PARD3: variants seen among roughly 807,000 people sequenced by gnomAD.
PARD3 encodes partitioning defective 3 homolog.
Under a neutral mutation model 155.4 loss-of-function variants are expected in PARD3, and 75 were observed. The ratio of observed to expected loss-of-function variants is 0.48; its 90% CI spans 0.40 to 0.58. The LOEUF (loss-of-function observed/expected upper bound fraction) is 0.58. Ranked by LOEUF, PARD3 falls within the 20% of genes least tolerant of loss-of-function variation. PARD3 has a pLI of 0.00. For missense variants in PARD3, 1,642 were observed against 1,721.7 expected (o/e 0.95, Z 0.82); for synonymous variants, 576 against 610.5 (o/e 0.94, Z 0.83).
rs542927386 is a variant in PARD3, at chr10:34,430,146, T to C, written c.714+20171A>G. On this transcript the variant is annotated intron_variant, in intron 5 of 24. Coordinates refer to ENST00000374788, the MANE Select transcript of PARD3 (RefSeq NM_001184785.2). ...ACCATTTGAGTACAATCTGAGAATATGCCAACTGGCATGTTCTTGAATTAT... is the reference window on the plus strand; with the variant it reads ...ACCATTTGAGTACAATCTGAGAATACGCCAACTGGCATGTTCTTGAATTAT... Among the ~76,000 whole-genome samples, 4 of 152,406 alleles carry C rather than the reference T, an allele frequency of 2.6e-5. No homozygotes were observed. The South Asian group carries it at 8.3e-4, about 32-fold the overall frequency.
At chr10:34,116,118 C>T (rs1469132334) in intron 24 of PARD3, among the ~76,000 whole-genome samples, 1 of 152,218 alleles carries the variant, frequency 6.6e-6, no homozygotes, top group Non-Finnish European at 1.5e-5. Flanking sequence ...CCTTTTCCTG[C>T]CAACTAGTGT....
chr10:34,367,004 C>T (rs190815489), intron 12 of PARD3, among the ~76,000 whole-genome samples: 1 of 152,238 alleles, frequency 6.6e-6, no homozygotes, highest in East Asian at 1.9e-4. Flanking sequence ...TTTTGAAAGA[C>T]TTTTAAATTT....
chr10:34,812,012 C>CA (rs1454193878), intron 1 of PARD3, among the ~76,000 whole-genome samples: 4 of 152,180 alleles, frequency 2.6e-5, no homozygotes, highest in Non-Finnish European at 5.9e-5. Flanking sequence ...AACCATCTTT[C>CA]AGGAGAGGAA....
At chr10:34,712,690 G>C (rs551988157) in intron 1 of PARD3, among the ~76,000 whole-genome samples, 3 of 152,068 alleles carry the variant, frequency 2.0e-5, no homozygotes, top group Non-Finnish European at 2.9e-5. Flanking sequence ...AGACACTGTC[G>C]CAACACCCAA....
intron 22 of PARD3, among the ~76,000 whole-genome samples, chr10:34,174,674 A>T (rs1474029980): frequency 2.0e-5 from 3 of 152,222 alleles, no homozygotes; most frequent in African/African-American, 7.2e-5. Flanking sequence ...TAATTTTTCA[A>T]ACAATATTTC....
chr10:34,619,064 T>C (rs1590255238), intron 2 of PARD3, among the ~76,000 whole-genome samples: 1 of 151,590 alleles, frequency 6.6e-6, no homozygotes, highest in South Asian at 2.1e-4. Context: ...TTTCTTTTTT[T>C]TTTTGAGACA....
intron 1 of PARD3, among the ~76,000 whole-genome samples, chr10:34,770,129 T>A (rs552124399): frequency 1.1e-4 from 16 of 152,100 alleles, no homozygotes; most frequent in Non-Finnish European, 2.4e-4. Flanking sequence ...GCAGACCACA[T>A]CACCCAGCCA....
At chr10:34,145,217 A>ATTTTTTT (rs1387505653) in intron 22 of PARD3, among the ~76,000 whole-genome samples, 13 of 57,952 alleles carry the variant, frequency 2.2e-4, no homozygotes, top group African/African-American at 2.8e-4. Flanking sequence ...ATATATATAT[A>ATTTTTTT]TATATTTTTT....
chr10:34,296,266 C>T (rs1956905360), intron 20 of PARD3, among the ~76,000 whole-genome samples: 1 of 152,136 alleles, frequency 6.6e-6, no homozygotes, highest in African/African-American at 2.4e-5. Context: ...GGGTCTTGCT[C>T]TGTTGCCCAG....
At chr10:34,475,992 G>A (rs1212079016) in intron 3 of PARD3, among the ~76,000 whole-genome samples, 2 of 152,024 alleles carry the variant, frequency 1.3e-5, no homozygotes, top group African/African-American at 4.8e-5. Flanking sequence ...TATTTCTCAA[G>A]ACAACCACTG....
chr10:34,479,885 T>C (rs980930748), intron 3 of PARD3, among the ~76,000 whole-genome samples: 2 of 152,144 alleles, frequency 1.3e-5, no homozygotes, highest in African/African-American at 4.8e-5. Flanking sequence ...AGAAAGACTG[T>C]TTCTAATATA....
chr10:34,784,751 T>C (rs1291654289), intron 1 of PARD3, among the ~76,000 whole-genome samples: 2 of 152,228 alleles, frequency 1.3e-5, no homozygotes, highest in South Asian at 4.1e-4. Context: ...TATACTTTTT[T>C]AAGGATTTTC....
intron 14 of PARD3, 61 bp downstream of exon 14, chr10:34,359,086 T>C (rs1212538361): frequency 2.5e-5 from 35 of 1,389,706 alleles, no homozygotes; most frequent in Non-Finnish European, 3.3e-5. Flanking sequence ...TTGCCCAAAA[T>C]TAGGACAGAA....
chr10:34,550,080 G>A (rs577206155), intron 2 of PARD3, among the ~76,000 whole-genome samples: 2 of 152,278 alleles, frequency 1.3e-5, no homozygotes, highest in Admixed American at 1.3e-4. Flanking sequence ...GCTCCATGAG[G>A]TGAATCACGG....
At chr10:34,502,370 G>A (rs1483179687) in intron 3 of PARD3, among the ~76,000 whole-genome samples, 4 of 152,204 alleles carry the variant, frequency 2.6e-5, no homozygotes, top group African/African-American at 9.6e-5. Context: ...AGGAAGGCAA[G>A]TGGACTCCAG....
At chr10:34,481,985 C>T (rs1172401470) in intron 3 of PARD3, among the ~76,000 whole-genome samples, 1 of 151,318 alleles carries the variant, frequency 6.6e-6, no homozygotes, top group Admixed American at 6.6e-5. Context: ...GTGCCCCCCA[C>T]CATGCTCAGC....
chr10:34,386,804 G>C (rs1589392875), intron 7 of PARD3, among the ~76,000 whole-genome samples: 1 of 140,660 alleles, frequency 7.1e-6, no homozygotes, highest in East Asian at 2.0e-4. Flanking sequence ...CCTGGGCAAC[G>C]CAAAACTCCG....
chr10:34,339,519 A>G lies in PARD3; in HGVS notation c.2409-2093T>C, dbSNP rs1284945935. Among the ~76,000 whole-genome samples, 5 of 152,236 alleles carry G rather than the reference A, an allele frequency of 3.3e-5. No homozygotes were observed. The East Asian group carries it at 7.7e-4, about 23-fold the overall frequency. On this transcript the variant is annotated intron_variant, in intron 16 of 24. Transcript: ENST00000374788. ...ACTGCCAATCTCGCCTGAAAACCAC[A>G]TATTGGTGCACCTTTAATTTTATAT...
In PARD3 at chr10:34,138,381, C is replaced by T. The variant is rs79157938; in HGVS notation, c.3420-6798G>A. Reference sequence around the variant, plus strand: ...GTGATACCTTTTGTCGACCTCCCCGCTACTGCACCCAAAACACCTCACTAG... The same window carrying T: ...GTGATACCTTTTGTCGACCTCCCCGTTACTGCACCCAAAACACCTCACTAG... On this transcript the variant is annotated intron_variant, in intron 22 of 24. Coordinates refer to ENST00000374788, the MANE Select transcript of PARD3 (RefSeq NM_001184785.2). 3.5e-3 allele frequency among the ~76,000 whole-genome samples: 533 copies of T among 152,304 alleles called. 1 individual carries two copies. Among genetic ancestry groups the T allele is most frequent in the African/African-American group, 0.012 (498 of 41,550 alleles).
Sources: allele counts gnomAD v4.1 joint callset (sites outside exome capture counted in the v4.1 genomes callset), GRCh38; gene constraint gnomAD v4.1.1; transcripts MANE v1.5; gene names NCBI Gene and HGNC (gene_info 2026-07-23, HGNC 2026-07-21).